GALK2: variants seen among roughly 807,000 people sequenced by gnomAD.
The protein encoded by GALK2 is N-acetylgalactosamine kinase.
A neutral mutation model predicts 52.4 loss-of-function variants in GALK2; 36 were observed. The ratio of observed to expected loss-of-function variants is 0.69; its 90% confidence interval spans 0.53 to 0.91. GALK2 has a LOEUF of 0.91. GALK2 is among the 40% of genes least tolerant of loss of function. The pLI, the probability that GALK2 is intolerant of heterozygous loss-of-function variation, is 0.00. For missense variants in GALK2, 579 were observed against 559.1 expected (o/e 1.04, Z -0.36); for synonymous variants, 176 against 199.1 (o/e 0.88, Z 0.98).
intron 3 of GALK2, among the ~76,000 whole-genome samples, chr15:49,360,101 A>G (rs1421004186): frequency 6.0e-5 from 4 of 67,024 alleles, no homozygotes; most frequent in African/African-American, 1.2e-4. Flanking sequence ...GGGTGGGGGG[A>G]GGGGGGAGGG....
chr15:49,186,289 A>ATATTCTTTTT (rs967422805), intron 1 of GALK2, among the ~76,000 whole-genome samples: 1 of 151,824 alleles, frequency 6.6e-6, no homozygotes, highest in Admixed American at 6.6e-5. Context: ...TCGGCATGCT[A>ATATTCTTTTT]TATTCTTTTT....
intron 2 of GALK2, among the ~76,000 whole-genome samples, chr15:49,209,289 G>C (rs533143489): frequency 6.6e-6 from 1 of 152,252 alleles, no homozygotes; most frequent in African/African-American, 2.4e-5. Context: ...GAGACCATCT[G>C]ACTTCCTCCT....
chr15:49,357,768 A>G (rs1044090857), intron 3 of GALK2, among the ~76,000 whole-genome samples: 8 of 152,110 alleles, frequency 5.3e-5, no homozygotes, highest in East Asian at 1.9e-4. Context: ...ACCAAAGCCA[A>G]GCAGAGACAC....
At chr15:49,272,540 C>T (rs946309709) in intron 5 of GALK2, among the ~76,000 whole-genome samples, 3 of 152,118 alleles carry the variant, frequency 2.0e-5, no homozygotes, top group African/African-American at 7.2e-5. Flanking sequence ...ATCAATGCTG[C>T]GTGTGAAGAC....
chr15:49,361,296 T>C (rs556048232), intron 3 of GALK2, among the ~76,000 whole-genome samples: 3 of 152,166 alleles, frequency 2.0e-5, no homozygotes, highest in Non-Finnish European at 4.4e-5. Context: ...GTTTGTTACA[T>C]AGGTAAATTG....
chr15:49,366,341 A>C, intron 3 of GALK2: 1 of 787,108 alleles, frequency 1.3e-6, no homozygotes, highest in Non-Finnish European at 2.4e-6. Context: ...ACTGTTATTG[A>C]CAACCAACAT....
chr15:49,306,669 G>C (rs774016719), intron 8 of GALK2, among the ~76,000 whole-genome samples: 28 of 152,160 alleles, frequency 1.8e-4, no homozygotes, highest in Non-Finnish European at 3.8e-4. Context: ...GCATGACCAT[G>C]TTTCTCATAG....
intron 5 of GALK2, among the ~76,000 whole-genome samples, chr15:49,250,590 T>A (rs558702381): frequency 6.6e-6 from 1 of 152,216 alleles, no homozygotes; most frequent in East Asian, 1.9e-4. Flanking sequence ...AGCTCACATA[T>A]TTTTGATCCA....
chr15:49,319,064 C>G (rs1422588321), intron 8 of GALK2: 3 of 402,160 alleles, frequency 7.5e-6, no homozygotes, highest in South Asian at 1.9e-5. Flanking sequence ...AATTCTCCCA[C>G]TTCAGTCTCT....
chr15:49,204,165 C>G (rs2088052059), intron 2 of GALK2, among the ~76,000 whole-genome samples: 1 of 151,244 alleles, frequency 6.6e-6, no homozygotes, highest in Non-Finnish European at 1.5e-5. Context: ...TCTGGGTTCT[C>G]TATTCTGTTC....
intron 3 of GALK2, among the ~76,000 whole-genome samples, chr15:49,338,788 C>A (rs1383288449): frequency 6.6e-6 from 1 of 152,172 alleles, no homozygotes; most frequent in Non-Finnish European, 1.5e-5. Context: ...TTGGTCTTTT[C>A]ACATAGTCCC....
At chr15:49,201,878 T>C (rs1483494881) in intron 2 of GALK2, among the ~76,000 whole-genome samples, 1 of 152,230 alleles carries the variant, frequency 6.6e-6, no homozygotes, top group Non-Finnish European at 1.5e-5. Flanking sequence ...CATTTTCTGC[T>C]GGTATAACAG....
intron 5 of GALK2, among the ~76,000 whole-genome samples, chr15:49,253,405 T>G (rs2091691277): frequency 6.9e-6 from 1 of 144,508 alleles, no homozygotes; most frequent in African/African-American, 2.5e-5. Context: ...TGATTTGCAT[T>G]GTAAGCAGGA....
chr15:49,278,898 C>T (rs2032290076), intron 5 of GALK2, among the ~76,000 whole-genome samples: 1 of 152,218 alleles, frequency 6.6e-6, no homozygotes. Context: ...CCTCAGGAAA[C>T]TTACAATCAT....
intron 8 of GALK2, among the ~76,000 whole-genome samples, chr15:49,310,081 T>C (rs2141906016): frequency 1.3e-5 from 2 of 152,334 alleles, no homozygotes; most frequent in South Asian, 4.1e-4. Flanking sequence ...TTCTATTCTT[T>C]ACTTCCATGA....
At chr15:49,279,202 T>G (rs2032340265) in intron 5 of GALK2, among the ~76,000 whole-genome samples, 1 of 152,176 alleles carries the variant, frequency 6.6e-6, no homozygotes, top group Non-Finnish European at 1.5e-5. Context: ...GCAAAGCAAT[T>G]AGAACACTAC....
At chr15:49,306,503 T>C (rs1043038757) in intron 8 of GALK2, among the ~76,000 whole-genome samples, 13 of 152,146 alleles carry the variant, frequency 8.5e-5, no homozygotes, top group African/African-American at 2.9e-4. Flanking sequence ...GAAATATGCT[T>C]ATTTCACAGG....
intron 3 of GALK2, among the ~76,000 whole-genome samples, chr15:49,220,058 C>CTTTTTTTTTTTT (rs34707025): frequency 1.1e-4 from 10 of 92,750 alleles, no homozygotes; most frequent in Admixed American, 2.3e-4. Context: ...AGATACAAGT[C>CTTTTTTTTTTTT]TTTTTTTTTT....
chr15:49,355,101 A>G (rs1162204700), intron 3 of GALK2, among the ~76,000 whole-genome samples: 1 of 151,148 alleles, frequency 6.6e-6, no homozygotes, highest in Non-Finnish European at 1.5e-5. Flanking sequence ...CATCACCATC[A>G]TCAAAGACCA....
Sources: allele counts gnomAD v4.1 joint callset (sites outside exome capture counted in the v4.1 genomes callset), GRCh38; gene constraint gnomAD v4.1.1; transcripts MANE v1.5; gene names NCBI Gene and HGNC (gene_info 2026-07-23, HGNC 2026-07-21).